The following LMAN1L variants were observed in gnomAD, a reference collection of about 807,000 sequenced individuals.
LMAN1L encodes the protein protein ERGIC-53-like.
Under a neutral mutation model 58.3 loss-of-function variants are expected in LMAN1L, and 60 were observed. The observed-to-expected ratio is 1.03, with a 90% CI of 0.84 to 1.27. LMAN1L has a LOEUF of 1.27. Among genes scored for constraint, LMAN1L ranks in the 50% most tolerant of loss-of-function variants. The pLI is 0.00. For missense variants in LMAN1L, 629 were observed against 674.0 expected (o/e 0.93, Z 0.74); for synonymous variants, 280 against 271.6 (o/e 1.03, Z -0.31).
At chr15:74,818,014 G>GAA (rs368241559) in intron 4 of LMAN1L, among the ~76,000 whole-genome samples, 2,063 of 126,938 alleles carry the variant, frequency 0.016, 53 homozygotes, top group African/African-American at 0.056. Context: ...CTCCGTCTCA[G>GAA]AAAAAAAAAA....
chr15:74,821,479 T>C (rs2063916286), intron 9 of LMAN1L, among the ~76,000 whole-genome samples: 1 of 152,170 alleles, frequency 6.6e-6, no homozygotes, highest in African/African-American at 2.4e-5. Flanking sequence ...TGTAGATGAA[T>C]GACAGAAATA....
intron 10 of LMAN1L, 136 bp downstream of exon 10, chr15:74,822,036 A>G: frequency 1.6e-6 from 1 of 631,818 alleles, no homozygotes. Context: ...AGGGAGACGT[A>G]TTTTGGCTTG....
intron 5 of LMAN1L, 57 bp downstream of exon 5, chr15:74,818,874 C>T (rs2141115295): frequency 3.4e-6 from 5 of 1,451,754 alleles, no homozygotes; most frequent in African/African-American, 1.4e-5. Flanking sequence ...GCTATGTGTG[C>T]GTGCCCACGG....
In LMAN1L at chr15:74,820,097, G is replaced by A. The variant is rs1185222117; in HGVS notation, c.772G>A (p.Glu258Lys). The A allele has an allele frequency of 1.9e-6, 3 of 1,613,982 alleles. No individual in the cohort carries two copies. The highest frequency in any genetic ancestry group is 1.7e-6 in the Non-Finnish European group (2 of 1,179,856). ...CTTCAGCCTGAGTGAGCCCAGCCCA[G>A]AGGTGATGCCAGCCCTGGCCTACCT... ...LTFSLSEPSP[E>K]VPPQPFLEMQ... is the part of the protein sequence containing the mutation. The change falls in exon 7 of 14, where the codon GAG (glutamate) becomes AAG (lysine). Residue 258 changes from glutamate (E) to lysine (K), a missense_variant and splice_region_variant. This residue lies in a region of LMAN1L where 573 missense variants were observed against 597.3 expected (regional missense o/e 0.96). Coordinates refer to ENST00000309664, the MANE Select transcript of LMAN1L (RefSeq NM_021819.3).
chr15:74,813,238 C>T, intron 1 of LMAN1L: 1 of 664,722 alleles, frequency 1.5e-6, no homozygotes, highest in South Asian at 1.6e-5. Context: ...AGCTGTTTCT[C>T]CTCTGCCTCT....
intron 1 of LMAN1L, chr15:74,813,460 G>A (rs1454161961): frequency 4.4e-6 from 2 of 457,816 alleles, no homozygotes; most frequent in Admixed American, 4.7e-5. Context: ...GCTACCTGGA[G>A]GGAAGCATCC....
chr15:74,816,459 AGGCTCTGTCCTTGGGG>A lies in LMAN1L; in HGVS notation c.368_383del (p.Ser123TrpfsTer75). On this transcript the variant is annotated frameshift_variant, in exon 3 of 14. Coordinates refer to ENST00000309664, the MANE Select transcript of LMAN1L (RefSeq NM_021819.3). LOFTEE classifies it high-confidence loss of function. ...GGTACACCCGGGGCAGGGGCCATGT[AGGCTCTGTCCTTGGGG>A]GGCTGGCTTCGTGGGACGGCATCGG... 6.4e-7 allele frequency: 1 copy of A among 1,553,916 alleles called. No individual in the cohort carries two copies. The highest frequency in any genetic ancestry group is 8.7e-7 in the Non-Finnish European group (1 of 1,146,546).
intron 4 of LMAN1L, 91 bp from the exon 5 acceptor site, chr15:74,818,627 G>A: frequency 1.1e-6 from 1 of 926,186 alleles, no homozygotes; most frequent in Non-Finnish European, 1.7e-6. Flanking sequence ...CCAGCAGGCA[G>A]AAGTTGCAAT....
intron 1 of LMAN1L, 146 bp downstream of exon 1, chr15:74,813,175 C>A (rs915875254): frequency 1.3e-5 from 11 of 867,318 alleles, no homozygotes; most frequent in Non-Finnish European, 2.0e-5. Flanking sequence ...CCCCAGGACC[C>A]CTTCCAGGCT....
intron 1 of LMAN1L, among the ~76,000 whole-genome samples, chr15:74,814,665 C>T (rs1356049806): frequency 6.6e-6 from 1 of 152,124 alleles, no homozygotes; most frequent in Non-Finnish European, 1.5e-5. Context: ...GCCACCGCGC[C>T]CAGCCTAATT....
chr15:74,819,576 G>T, intron 6 of LMAN1L: 1 of 523,170 alleles, frequency 1.9e-6, no homozygotes, highest in South Asian at 3.1e-5. Flanking sequence ...TGACACCATG[G>T]AGAGTCCACG....
chr15:74,823,681 CG>C lies in LMAN1L; in HGVS notation c.1323+1del. Reference protein sequence around the residue: ...GLLQEELRGPAKAAAKAPRPP... With the variant: ...GLLQEELRGPXKAAAKAPRPP... ...CTGCAGGAGGAGCTTCGGGGCCCGG[CG>C]GTGAGGGGAAAGTAGTGGGCAGCAT... On this transcript the variant is annotated frameshift_variant and splice_region_variant, in exon 12 of 14. Coordinates refer to ENST00000309664, the MANE Select transcript of LMAN1L (RefSeq NM_021819.3). LOFTEE classifies it high-confidence loss of function. 1 of 1,612,820 alleles carries C rather than the reference CG, an allele frequency of 6.2e-7. No homozygotes were observed. Among genetic ancestry groups the C allele is most frequent in the Non-Finnish European group, 8.5e-7 (1 of 1,179,644 alleles).
chr15:74,824,839 A>G (rs1445386979), intron 13 of LMAN1L: 1 of 190,354 alleles, frequency 5.3e-6, no homozygotes, highest in Non-Finnish European at 1.1e-5. Context: ...ATGGTCATTA[A>G]GGTGACTAGG....
At chr15:74,818,630 G>A in intron 4 of LMAN1L, 88 bp from the exon 5 acceptor site, 1 of 965,546 alleles carries the variant, frequency 1.0e-6, no homozygotes, top group Non-Finnish European at 1.6e-6. Flanking sequence ...GCAGGCAGAA[G>A]TTGCAATGAG....
chr15:74,824,664 C>G (rs1477937352), intron 13 of LMAN1L, 186 bp downstream of exon 13: 9 of 625,098 alleles, frequency 1.4e-5, no homozygotes, highest in Non-Finnish European at 2.4e-5. Flanking sequence ...CCTGCTCGGC[C>G]CCCAGCCCCA....
intron 6 of LMAN1L, 54 bp from the exon 7 acceptor site, chr15:74,819,990 G>A (rs1294639431): frequency 4.2e-5 from 64 of 1,533,366 alleles, no homozygotes; most frequent in African/African-American, 1.2e-4. Context: ...AAGGCTGAGC[G>A]AGGGGGTTGC....
chr15:74,823,651 G>A lies in LMAN1L; in HGVS notation c.1292G>A (p.Gly431Asp), dbSNP rs1362866537. The A allele has an allele frequency of 6.2e-7, 1 of 1,613,782 alleles. No individual in the cohort carries two copies. The highest frequency in any genetic ancestry group is 8.5e-7 in the Non-Finnish European group (1 of 1,179,862). ...HHFLELDHIL[G>D]LLQEELRGPA... ...TTCTTAGAGCTGGACCACATCCTGG[G>A]CCTCCTGCAGGAGGAGCTTCGGGGC... is the stretch of plus-strand genomic sequence containing the variant. Residue 431 changes from glycine (G) to aspartate (D), a missense_variant, in exon 12 of 14, where the codon GGC becomes GAC. Physicochemically the swap from Gly to Asp is moderately conservative, Grantham distance 94. Coordinates refer to ENST00000309664, the MANE Select transcript of LMAN1L (RefSeq NM_021819.3).
At chr15:74,813,759 G>A (rs1359941951) in intron 1 of LMAN1L, among the ~76,000 whole-genome samples, 1 of 152,222 alleles carries the variant, frequency 6.6e-6, no homozygotes, top group East Asian at 1.9e-4. Flanking sequence ...GTTGGGCCAT[G>A]GATTTAATTC....
At chr15:74,823,254 G>C (rs2063925132) in intron 11 of LMAN1L, among the ~76,000 whole-genome samples, 1 of 152,158 alleles carries the variant, frequency 6.6e-6, no homozygotes. Context: ...TAGGGTTGGG[G>C]GTGGAGAGGC....
Sources: allele counts gnomAD v4.1 joint callset (sites outside exome capture counted in the v4.1 genomes callset), GRCh38; gene constraint gnomAD v4.1.1; regional missense constraint gnomAD v4.1.1; transcripts MANE v1.5; gene names NCBI Gene and HGNC (gene_info 2026-07-23, HGNC 2026-07-21).